Variants in AUNIP observed in about 807,000 individuals in gnomAD.
AUNIP encodes aurora kinase A- and ninein-interacting protein.
Under a neutral mutation model 12.2 loss-of-function variants are expected in AUNIP, and 16 were observed. That is an observed-to-expected ratio of 1.31 (90% CI 0.88 to 1.99). The LOEUF is 1.99. Among genes scored for constraint, AUNIP ranks in the 30% most tolerant of loss-of-function variants. The pLI is 0.00. For synonymous variants in AUNIP, 142 were observed against 154.8 expected (o/e 0.92, Z 0.61); for missense variants, 411 against 419.1 (o/e 0.98, Z 0.17).
chr1:25,834,619 A>G lies in AUNIP; in HGVS notation c.*374T>C, dbSNP rs1368224009. 6.2e-6 allele frequency: 4 copies of G among 644,460 alleles called. No individual in the cohort carries two copies. Among genetic ancestry groups the G allele is most frequent in the Non-Finnish European group, 7.7e-6 (4 of 517,486 alleles). The allele number at this position is 644,460 out of a possible 1,614,324, so 39.9% of individuals were successfully genotyped here. A position where few individuals can be genotyped will look rare whatever the true frequency, so the allele number is the denominator to read the frequency against. ...CAACAGAGCGAGACTCCATCTCAAA[A>G]AAAAAAAAAAAAAAACACATCCATA... On this transcript the variant is annotated 3_prime_UTR_variant, in exon 3 of 3. Transcript: ENST00000374298.
At chr1:25,837,036 A>G (rs1249726016) in intron 2 of AUNIP, among the ~76,000 whole-genome samples, 2 of 152,228 alleles carry the variant, frequency 1.3e-5, no homozygotes, top group Non-Finnish European at 2.9e-5. Flanking sequence ...AGCGTCACAC[A>G]AAAGTATCAA....
At chr1:25,841,121 G>T (rs962256838) in intron 1 of AUNIP, among the ~76,000 whole-genome samples, 1 of 152,184 alleles carries the variant, frequency 6.6e-6, no homozygotes, top group East Asian at 1.9e-4. Flanking sequence ...AGGTCAGAGT[G>T]CGGTCAGAAC....
At chr1:25,843,292 T>C (rs994136133) in intron 1 of AUNIP, among the ~76,000 whole-genome samples, 1 of 151,098 alleles carries the variant, frequency 6.6e-6, no homozygotes, top group Non-Finnish European at 1.5e-5. Context: ...GTTAACACAA[T>C]ATTCATTCTG....
At chr1:25,833,479 G>A (rs992059171), downstream of AUNIP, among the ~76,000 whole-genome samples, 20 of 151,976 alleles carry the variant, frequency 1.3e-4, no homozygotes, top group South Asian at 1.2e-3. Flanking sequence ...CACGATAAAA[G>A]TAGAATTTAA....
chr1:25,833,798 C>T (rs932174635), downstream of AUNIP, among the ~76,000 whole-genome samples: 5 of 151,746 alleles, frequency 3.3e-5, no homozygotes, highest in Non-Finnish European at 5.9e-5. Flanking sequence ...AAGCAGTTCT[C>T]TTATAACCTT....
At chr1:25,857,538 C>T (rs1489418181) in intron 1 of AUNIP, among the ~76,000 whole-genome samples, 5 of 151,098 alleles carry the variant, frequency 3.3e-5, no homozygotes, top group Non-Finnish European at 3.0e-5. Flanking sequence ...CGTGAGCCAC[C>T]GCACCCGGCC....
At position 25,835,751 on chromosome 1, in the gene AUNIP, A is replaced by T. The variant is rs755159717; in HGVS notation, c.316T>A (p.Leu106Met). 12 of 1,614,098 alleles carry T rather than the reference A, an allele frequency of 7.4e-6. No individual in the cohort carries two copies. In the Admixed American group the frequency reaches 2.0e-4, roughly 27 times the overall value. The stretch of plus-strand genomic sequence containing the variant: ...CAATCGTGTGCTAAGCCTGGGATCA[A>T]ATGGTCTAGCTGGGTCGCATTTTTC... ...SKKNATQLDH[L>M]IPGLAHDCMA... The change falls in exon 3 of 3, where the codon TTG becomes ATG. Residue 106 changes from leucine to methionine, a missense_variant. Physicochemically the swap from Leu to Met is conservative, Grantham distance 15 (BLOSUM62 2). Transcript: ENST00000374298.
At chr1:25,842,473 G>A (rs1018376815) in intron 1 of AUNIP, among the ~76,000 whole-genome samples, 13 of 152,250 alleles carry the variant, frequency 8.5e-5, no homozygotes, top group African/African-American at 1.2e-4. Context: ...GTGAAGCAGC[G>A]AGTGCTGATG....
rs142833053 is a variant in AUNIP, at chr1:25,854,017, T to C, written c.78+5263A>G. 5.0e-3 allele frequency among the ~76,000 whole-genome samples: 760 copies of C among 152,038 alleles called. 8 individuals carry two copies. Among genetic ancestry groups the C allele is most frequent in the African/African-American group, 0.014 (584 of 41,506 alleles). ...CCTGAGGTCAGGAGTTTGAGACCAG[T>C]CTAGCCAACATGGTAAAACCCCGTC... On this transcript the variant is annotated intron_variant, in intron 1 of 2. Transcript: ENST00000374298.
chr1:25,838,579 AAC>A (rs2048322236), intron 1 of AUNIP, among the ~76,000 whole-genome samples: 1 of 152,160 alleles, frequency 6.6e-6, no homozygotes, highest in African/African-American at 2.4e-5. Flanking sequence ...GCACATAGAA[AAC>A]ATTCAGTAGC....
intron 1 of AUNIP, among the ~76,000 whole-genome samples, chr1:25,857,074 C>G (rs1033767717): frequency 6.6e-6 from 1 of 152,060 alleles, no homozygotes; most frequent in East Asian, 1.9e-4. Context: ...GTCGTGATTA[C>G]GCCACCGCAC....
chr1:25,857,726 A>C (rs1017867576), intron 1 of AUNIP, among the ~76,000 whole-genome samples: 1 of 150,072 alleles, frequency 6.7e-6, no homozygotes, highest in Non-Finnish European at 1.5e-5. Context: ...AGCCGAGCGT[A>C]GTGGCGGGCG....
At chr1:25,832,798 C>G (rs1443116439), downstream of AUNIP, 1 of 156,688 alleles carries the variant, frequency 6.4e-6, no homozygotes, top group African/African-American at 2.4e-5. Flanking sequence ...CTTGACTGCT[C>G]CTTTGGGCTG....
rs910381318 is a variant in AUNIP, at chr1:25,835,761, C to A, written c.306G>T (p.Gln102His). 4 of 1,614,080 alleles carry A rather than the reference C, an allele frequency of 2.5e-6. No individual in the cohort carries two copies. Among genetic ancestry groups the A allele is most frequent in the Non-Finnish European group, 3.4e-6 (4 of 1,180,048 alleles). The change falls in exon 3 of 3, where the codon CAG becomes CAT. Residue 102 changes from glutamine (Q) to histidine (H), a missense_variant. Transcript: ENST00000374298. ...INKESKKNATQLDHLIPGLAH... is the reference protein window; with the variant it reads ...INKESKKNATHLDHLIPGLAH... The stretch of plus-strand genomic sequence containing the variant: ...CTAAGCCTGGGATCAAATGGTCTAG[C>A]TGGGTCGCATTTTTCTTGGACTCTT...
chr1:25,840,176 C>T (rs74060871), intron 1 of AUNIP, among the ~76,000 whole-genome samples: 2,847 of 151,456 alleles, frequency 0.019, 86 homozygotes, highest in African/African-American at 0.066. Flanking sequence ...AATAAATATG[C>T]GCAAGGATTT....
At position 25,847,323 on chromosome 1, in the gene AUNIP, G is replaced by A. The variant is rs1334479342; in HGVS notation, c.79-9769C>T. Among the ~76,000 whole-genome samples the A allele has an allele frequency of 2.6e-5, 4 of 151,800 alleles. No individual in the cohort carries two copies. Among genetic ancestry groups the A allele is most frequent in the African/African-American group, 4.8e-5 (2 of 41,372 alleles). ...GTCACCGAGGCTGGACTGCAGTAGC[G>A]CGATATTGGCTCACCACAACCTCTG... On this transcript the variant is annotated intron_variant, in intron 1 of 2. Transcript: ENST00000374298. This position sits in a 1 kb window ranked among gnomAD's most constrained non-coding sequence, Gnocchi z 4.2.
At position 25,841,101 on chromosome 1, in the gene AUNIP, T is replaced by C. The variant is rs78206085; in HGVS notation, c.79-3547A>G. On this transcript the variant is annotated intron_variant, in intron 1 of 2. Transcript: ENST00000374298. The stretch of plus-strand genomic sequence containing the variant: ...CCAAGTTGGCAGGAGCTGAAGGATG[T>C]ACCTTCCGTAGGTCAGAGTGCGGTC... 4.7e-4 allele frequency among the ~76,000 whole-genome samples: 72 copies of C among 152,326 alleles called. No individual in the cohort carries two copies. The East Asian group carries it at 0.013, about 29-fold the overall frequency.
intron 1 of AUNIP, among the ~76,000 whole-genome samples, chr1:25,849,917 G>A (rs980982187): frequency 3.3e-5 from 5 of 152,184 alleles, no homozygotes; most frequent in South Asian, 2.1e-4. Context: ...GATTACAGGC[G>A]TGAGCCACTG....
Position 25,835,438 on chromosome 1 carries a change from C to A in AUNIP, c.629G>T (p.Ser210Ile). The A allele has an allele frequency of 6.2e-7, 1 of 1,614,252 alleles. No homozygotes were observed. The highest frequency in any genetic ancestry group is 1.7e-5 in the Admixed American group (1 of 60,022). Reference protein sequence around the residue: ...WLHESKKNYQSMEKHTKLPGD... With the variant: ...WLHESKKNYQIMEKHTKLPGD... Reference sequence around the variant, plus strand: ...AGGTAGTTTGGTGTGTTTCTCCATACTCTGATAGTTCTTCTTAGACTCATG... The same window carrying A: ...AGGTAGTTTGGTGTGTTTCTCCATAATCTGATAGTTCTTCTTAGACTCATG... The change falls in exon 3 of 3, where the codon AGT (serine) becomes ATT (isoleucine). Residue 210 changes from serine to isoleucine, a missense_variant. Physicochemically the swap from Ser to Ile is moderately radical, Grantham distance 142 (BLOSUM62 -2). Transcript: ENST00000374298.
Sources: gnomAD v4.1 joint callset for allele counts (sites outside exome capture counted in the v4.1 genomes callset) on GRCh38, gnomAD v4.1.1 for gene constraint, Gnocchi (gnomAD v3.1) non-coding constraint, MANE v1.5 for transcripts, NCBI Gene and HGNC (gene_info 2026-07-23, HGNC 2026-07-21) for gene names.